The following EYS variants were observed in gnomAD, a reference collection of about 807,000 sequenced individuals.
EYS encodes the protein EGF-like photoreceptor maintenance factor, also known as protein eyes shut homolog.
In EYS, 250 loss-of-function variants were observed where a neutral mutation model predicts 282.1. The ratio of observed to expected loss-of-function variants is 0.89; its 90% CI spans 0.80 to 0.98. The LOEUF is 0.98. EYS is among the 50% of genes least tolerant of loss of function. The pLI, the probability that EYS is intolerant of heterozygous loss-of-function variation, is 0.00. For synonymous variants in EYS, 1,355 were observed against 1,282.9 expected (o/e 1.06, Z -1.20); for missense variants, 4,016 against 3,709.0 (o/e 1.08, Z -2.15).
chr6:63,792,527 A>T (rs1228716849), intron 37 of EYS, among the ~76,000 whole-genome samples: 3 of 152,174 alleles, frequency 2.0e-5, no homozygotes, highest in African/African-American at 7.2e-5. Context: ...AACATTGCAC[A>T]TGTATACATA....
chr6:65,406,524 C>G (rs560645736), intron 5 of EYS, among the ~76,000 whole-genome samples: 7 of 151,966 alleles, frequency 4.6e-5, no homozygotes, highest in Non-Finnish European at 1.0e-4. Flanking sequence ...GTCATGAAGA[C>G]ATTTTAATAT....
At chr6:65,058,966 G>T (rs1323140506) in intron 12 of EYS, among the ~76,000 whole-genome samples, 3 of 151,896 alleles carry the variant, frequency 2.0e-5, no homozygotes, top group Non-Finnish European at 4.4e-5. Context: ...TTAGAAAGAA[G>T]AAAACCTACA....
At chr6:64,806,094 T>C (rs1192147603) in intron 22 of EYS, among the ~76,000 whole-genome samples, 3 of 151,706 alleles carry the variant, frequency 2.0e-5, no homozygotes, top group African/African-American at 7.2e-5. Context: ...GTTTTAAATT[T>C]GAATCTCTCC....
At chr6:64,575,988 T>C (rs952504037) in intron 26 of EYS, among the ~76,000 whole-genome samples, 1 of 152,104 alleles carries the variant, frequency 6.6e-6, no homozygotes, top group Non-Finnish European at 1.5e-5. Flanking sequence ...GGCTATGTCA[T>C]AGAACTTTTC....
intron 12 of EYS, among the ~76,000 whole-genome samples, chr6:65,125,765 G>A (rs1053910136): frequency 7.2e-5 from 11 of 151,924 alleles, no homozygotes; most frequent in African/African-American, 2.4e-4. Flanking sequence ...TTCCCCTCCT[G>A]GCCCCACCTC....
chr6:64,329,859 G>C (rs1770575013), intron 29 of EYS, among the ~76,000 whole-genome samples: 3 of 152,108 alleles, frequency 2.0e-5, no homozygotes, highest in Non-Finnish European at 4.4e-5. Flanking sequence ...TACAATGCTT[G>C]GGCGAATTCC....
intron 31 of EYS, among the ~76,000 whole-genome samples, chr6:64,082,841 A>C (rs1030494258): frequency 2.0e-5 from 3 of 152,112 alleles, no homozygotes. Flanking sequence ...ACATAGAACA[A>C]GTGTAACACA....
At chr6:64,986,392 A>C (rs1377142445) in intron 14 of EYS, among the ~76,000 whole-genome samples, 1 of 151,536 alleles carries the variant, frequency 6.6e-6, no homozygotes, top group South Asian at 2.1e-4. Context: ...CAGAAAGGTG[A>C]ATGAAAAGGC....
At chr6:64,529,152 A>G (rs1349936806) in intron 26 of EYS, among the ~76,000 whole-genome samples, 3 of 152,056 alleles carry the variant, frequency 2.0e-5, no homozygotes, top group Non-Finnish European at 4.4e-5. Context: ...GTATGTACAA[A>G]GAAGGCTCTG....
intron 12 of EYS, among the ~76,000 whole-genome samples, chr6:65,273,866 A>G (rs976611847): frequency 1.6e-4 from 25 of 152,308 alleles, no homozygotes; most frequent in African/African-American, 5.5e-4. Context: ...TAAAATAAAC[A>G]ATCCTCCTGT....
At chr6:64,157,481 C>T (rs1582357506) in intron 31 of EYS, among the ~76,000 whole-genome samples, 1 of 152,260 alleles carries the variant, frequency 6.6e-6, no homozygotes, top group East Asian at 1.9e-4. Flanking sequence ...GGGAAAATGT[C>T]TCCAGGGCAT....
rs547489150 is a variant in EYS, at chr6:65,076,042, T to C, written c.2024-18315A>G. On this transcript the variant is annotated intron_variant, in intron 12 of 42. Coordinates refer to ENST00000503581, the MANE Select transcript of EYS (RefSeq NM_001142800.2). ...ACAGGAAGTTACTTTACAGTCCAAA[T>C]GACAACTACATAATTTAATGATAAG... 2.6e-5 allele frequency among the ~76,000 whole-genome samples: 4 copies of C among 152,096 alleles called. No individual in the cohort carries two copies. In the East Asian group the frequency reaches 7.7e-4, roughly 29 times the overall value.
chr6:64,623,969 G>T (rs1190505143), intron 23 of EYS, among the ~76,000 whole-genome samples: 1 of 152,134 alleles, frequency 6.6e-6, no homozygotes, highest in African/African-American at 2.4e-5. Context: ...ATGATTAAGA[G>T]CTATGGCTGG....
chr6:64,544,424 C>A (rs1443372837), intron 26 of EYS, among the ~76,000 whole-genome samples: 1 of 152,088 alleles, frequency 6.6e-6, no homozygotes, highest in African/African-American at 2.4e-5. Flanking sequence ...ATATTAGGAA[C>A]TGCAGGAAAC....
intron 36 of EYS, among the ~76,000 whole-genome samples, chr6:63,860,152 C>G (rs778396410): frequency 1.3e-5 from 2 of 152,208 alleles, no homozygotes; most frequent in South Asian, 2.1e-4. Context: ...ATAGTAGTAA[C>G]AGTGAATGAT....
At chr6:64,111,139 A>T (rs1582283858) in intron 31 of EYS, among the ~76,000 whole-genome samples, 1 of 151,956 alleles carries the variant, frequency 6.6e-6, no homozygotes, top group Non-Finnish European at 1.5e-5. Flanking sequence ...TTACAGGGGG[A>T]ATATGATCTG....
chr6:65,662,004 C>A (rs75683163), intron 1 of EYS, among the ~76,000 whole-genome samples: 2 of 151,944 alleles, frequency 1.3e-5, no homozygotes, highest in African/African-American at 4.8e-5. Context: ...TAATAATCAC[C>A]AGAGATTAGA....
chr6:64,595,540 A>G (rs746553184), intron 24 of EYS, among the ~76,000 whole-genome samples: 1 of 152,184 alleles, frequency 6.6e-6, no homozygotes, highest in Non-Finnish European at 1.5e-5. Context: ...AGAAAAACCT[A>G]AAGACTCCAC....
chr6:65,090,616 A>G (rs1048294202), intron 12 of EYS, among the ~76,000 whole-genome samples: 1 of 152,152 alleles, frequency 6.6e-6, no homozygotes, highest in Non-Finnish European at 1.5e-5. Flanking sequence ...ATGGAAACAG[A>G]AGAGAAGTTA....
Sources: gnomAD v4.1 joint callset for allele counts (sites outside exome capture counted in the v4.1 genomes callset) on GRCh38, gnomAD v4.1.1 for gene constraint, MANE v1.5 for transcripts, NCBI Gene and HGNC (gene_info 2026-07-23, HGNC 2026-07-21) for gene names.